MCC: variants seen among roughly 807,000 people sequenced by gnomAD.
The protein encoded by MCC is colorectal mutant cancer protein.
MCC carries 90 observed loss-of-function variants against 116.2 expected under a neutral mutation model. The ratio of observed to expected loss-of-function variants is 0.77; its 90% confidence interval spans 0.65 to 0.92. The LOEUF is 0.92. Among genes scored for constraint, MCC ranks in the 40% least tolerant of loss-of-function variants. The pLI is 0.00. For missense variants in MCC, 1,516 were observed against 1,312.2 expected (o/e 1.16, Z -2.40); for synonymous variants, 578 against 510.5 (o/e 1.13, Z -1.78).
chr5:113,201,008 A>T (rs548240121), intron 3 of MCC, among the ~76,000 whole-genome samples: 1 of 152,322 alleles, frequency 6.6e-6, no homozygotes, highest in South Asian at 2.1e-4. Context: ...GAGACCAAAC[A>T]GTTAAATTCT....
At chr5:113,253,820 A>G (rs183240455) in intron 3 of MCC, among the ~76,000 whole-genome samples, 1 of 152,216 alleles carries the variant, frequency 6.6e-6, no homozygotes, top group Non-Finnish European at 1.5e-5. Flanking sequence ...AAATACATAT[A>G]TAAAACAAAA....
At chr5:113,282,268 T>A (rs1246451930) in intron 3 of MCC, among the ~76,000 whole-genome samples, 1 of 152,180 alleles carries the variant, frequency 6.6e-6, no homozygotes, top group Non-Finnish European at 1.5e-5. Flanking sequence ...CCCCAATATG[T>A]CATCACTGCT....
intron 3 of MCC, among the ~76,000 whole-genome samples, chr5:113,258,566 G>A (rs1468686464): frequency 1.3e-5 from 2 of 152,224 alleles, no homozygotes; most frequent in Non-Finnish European, 2.9e-5. Flanking sequence ...AGAATCTAAT[G>A]CCAGATGATC....
At chr5:113,053,517 T>G (rs919248963) in intron 15 of MCC, among the ~76,000 whole-genome samples, 13 of 7,154 alleles carry the variant, frequency 1.8e-3, no homozygotes, top group Non-Finnish European at 4.2e-3. Flanking sequence ...CCCTGAGAAA[T>G]CCCTTAGAAA....
intron 5 of MCC, among the ~76,000 whole-genome samples, chr5:113,136,579 C>A (rs577226674): frequency 6.6e-6 from 1 of 152,162 alleles, no homozygotes; most frequent in Non-Finnish European, 1.5e-5. Context: ...AAAATTTAAA[C>A]CTTTTTAGAT....
At chr5:113,272,536 A>C (rs1765654806) in intron 3 of MCC, among the ~76,000 whole-genome samples, 1 of 152,182 alleles carries the variant, frequency 6.6e-6, no homozygotes, top group Non-Finnish European at 1.5e-5. Context: ...AGTGATAGAA[A>C]ATTCTTTTAA....
intron 5 of MCC, among the ~76,000 whole-genome samples, chr5:113,134,712 G>C (rs1758700291): frequency 6.6e-6 from 1 of 151,386 alleles, no homozygotes; most frequent in African/African-American, 2.4e-5. Context: ...ATTTGTGCTG[G>C]AGCCTGAAAT....
intron 3 of MCC, among the ~76,000 whole-genome samples, chr5:113,229,200 G>A (rs939574981): frequency 4.6e-5 from 7 of 152,136 alleles, no homozygotes; most frequent in South Asian, 4.1e-4. Context: ...CGGCAGAGAC[G>A]AAGAAGGGAT....
rs1007561011 is a variant in MCC at position 113,024,084 on chromosome 5, A to G, written c.*3218T>C. The G allele has an allele frequency of 2.0e-5, 3 of 152,234 alleles. No individual in the cohort carries two copies. The highest frequency in any genetic ancestry group is 6.5e-5 in the Admixed American group (1 of 15,282). 9.4% of individuals were successfully genotyped at this position (152,234 alleles called of 1,614,324 possible). A position where few individuals can be genotyped will look rare whatever the true frequency, so the allele number is the denominator to read the frequency against. On this transcript the variant is annotated 3_prime_UTR_variant, in exon 19 of 19. Coordinates refer to ENST00000408903, the MANE Select transcript of MCC (RefSeq NM_001085377.2). Reference sequence around the variant, plus strand: ...CTTAACAGCTTTTAAGAAAAAGCCTATGGGCTCTAATTTGGACTTCCTTTT... The same window carrying G: ...CTTAACAGCTTTTAAGAAAAAGCCTGTGGGCTCTAATTTGGACTTCCTTTT...
chr5:113,166,992 G>A (rs1347117136), intron 3 of MCC, among the ~76,000 whole-genome samples: 1 of 152,162 alleles, frequency 6.6e-6, no homozygotes, highest in Non-Finnish European at 1.5e-5. Context: ...TACAGCGATG[G>A]CTGTGGAATT....
intron 2 of MCC, among the ~76,000 whole-genome samples, chr5:113,364,426 C>G (rs1266573868): frequency 6.6e-6 from 1 of 152,208 alleles, no homozygotes; most frequent in South Asian, 2.1e-4. Flanking sequence ...CAGCTCTGCC[C>G]CTACAGCTTT....
chr5:113,104,337 T>C lies in MCC; in HGVS notation c.1046A>G (p.Asn349Ser). The C allele has an allele frequency of 1.2e-6, 2 of 1,612,326 alleles. No individual in the cohort carries two copies. Among genetic ancestry groups the C allele is most frequent in the Non-Finnish European group, 1.7e-6 (2 of 1,179,290 alleles). The part of the protein sequence containing the change: ...TADMDNCSDL[N>S]SELQRVLTGL... Reference sequence around the variant, plus strand: ...TGTCAGCACCCTCTGCAGTTCTGAGTTCAGGTCACTGCAGTTGTCTGTGAG... The same window carrying C: ...TGTCAGCACCCTCTGCAGTTCTGAGCTCAGGTCACTGCAGTTGTCTGTGAG... The change falls in exon 7 of 19, where the codon AAC becomes AGC. Residue 349 changes from asparagine (N) to serine (S), a missense_variant. Physicochemically the swap from Asn to Ser is conservative, Grantham distance 46. Coordinates refer to ENST00000408903, the MANE Select transcript of MCC (RefSeq NM_001085377.2).
At chr5:113,165,661 G>C (rs192759584) in intron 3 of MCC, among the ~76,000 whole-genome samples, 1 of 152,038 alleles carries the variant, frequency 6.6e-6, no homozygotes, top group Non-Finnish European at 1.5e-5. Flanking sequence ...TAAAAGAAAC[G>C]TTTCCTTGGG....
intron 3 of MCC, among the ~76,000 whole-genome samples, chr5:113,223,273 C>T (rs1405519152): frequency 6.6e-6 from 1 of 152,184 alleles, no homozygotes; most frequent in East Asian, 1.9e-4. Flanking sequence ...TTGTGAAATA[C>T]TTGAATTAAT....
chr5:113,439,782 A>G (rs1008315722), intron 1 of MCC, among the ~76,000 whole-genome samples: 1 of 152,246 alleles, frequency 6.6e-6, no homozygotes, highest in Non-Finnish European at 1.5e-5. Flanking sequence ...ATCCAAAAAG[A>G]TAATGATATA....
At chr5:113,263,464 G>A (rs1157784465) in intron 3 of MCC, among the ~76,000 whole-genome samples, 1 of 152,168 alleles carries the variant, frequency 6.6e-6, no homozygotes, top group African/African-American at 2.4e-5. Context: ...AGAGTTCAAT[G>A]TAACAAACTT....
At chr5:113,405,697 C>G (rs892042165) in intron 1 of MCC, among the ~76,000 whole-genome samples, 1 of 151,866 alleles carries the variant, frequency 6.6e-6, no homozygotes, top group South Asian at 2.1e-4. Flanking sequence ...GTCCTAGCTA[C>G]TTAGAAAGCT....
intron 5 of MCC, among the ~76,000 whole-genome samples, chr5:113,132,441 TATACACACACACACACACAC>T (rs1561385185): frequency 1.0e-5 from 1 of 96,944 alleles, no homozygotes; most frequent in African/African-American, 4.8e-5. Flanking sequence ...TATATATATA[TATACACACACACACACACAC>T]ACACACACAC....
chr5:113,446,754 G>C (rs1038017772), intron 1 of MCC, among the ~76,000 whole-genome samples: 1 of 152,132 alleles, frequency 6.6e-6, no homozygotes, highest in African/African-American at 2.4e-5. Flanking sequence ...TAAACATAGT[G>C]TACTCACGGA....
Sources: gnomAD v4.1 joint callset for allele counts (sites outside exome capture counted in the v4.1 genomes callset) on GRCh38, gnomAD v4.1.1 for gene constraint, MANE v1.5 for transcripts, NCBI Gene and HGNC (gene_info 2026-07-23, HGNC 2026-07-21) for gene names.